Variants in CPED1 observed in about 807,000 individuals in gnomAD.
The protein encoded by CPED1 is cadherin like and PC-esterase domain containing 1, also known as cadherin-like and PC-esterase domain-containing protein 1.
A neutral mutation model predicts 128.2 loss-of-function variants in CPED1; 114 were observed. That is an observed-to-expected ratio of 0.89 (90% CI 0.76 to 1.04). The LOEUF is 1.04. Ranked by LOEUF, CPED1 falls within the 50% of genes least tolerant of loss-of-function variation. The pLI is 0.00. For synonymous variants in CPED1, 462 were observed against 426.7 expected (o/e 1.08, Z -1.02); for missense variants, 1,211 against 1,207.1 (o/e 1.00, Z -0.05).
intron 7 of CPED1, among the ~76,000 whole-genome samples, chr7:121,117,810 C>G (rs1196761359): frequency 6.6e-6 from 1 of 152,022 alleles, no homozygotes; most frequent in Non-Finnish European, 1.5e-5. Context: ...ACCTCTAAAG[C>G]AGGTTGTTCT....
chr7:121,170,750 T>C (rs1244828267), intron 16 of CPED1, among the ~76,000 whole-genome samples: 1 of 152,114 alleles, frequency 6.6e-6, no homozygotes, highest in Non-Finnish European at 1.5e-5. Context: ...TTTCTATCCT[T>C]TATTAAAATT....
intron 16 of CPED1, among the ~76,000 whole-genome samples, chr7:121,185,971 G>A (rs533406680): frequency 2.6e-5 from 4 of 152,268 alleles, no homozygotes; most frequent in East Asian, 1.9e-4. Context: ...GTCATATATC[G>A]TGTTTTAAAG....
Position 121,130,216 on chromosome 7 carries a change from C to A in CPED1, c.1499C>A (p.Thr500Asn). 7 of 1,611,494 alleles carry A rather than the reference C, an allele frequency of 4.3e-6. No homozygotes were observed. The highest frequency in any genetic ancestry group is 4.2e-6 in the Non-Finnish European group (5 of 1,178,164). ...NPVGNPGSVL[T>N]QYWSLLNVFE... The stretch of plus-strand genomic sequence containing the variant: ...GTGGGAAATCCTGGCTCAGTCCTGA[C>A]CCAATACTGGTCTCTTTTAAATGTA... The change falls in exon 12 of 23, where the codon ACC becomes AAC. Residue 500 changes from threonine (T) to asparagine (N), a missense_variant. Physicochemically the swap from Thr to Asn is moderately conservative, Grantham distance 65. Transcript: ENST00000310396.
Position 121,248,359 on chromosome 7 carries a change from C to T in CPED1, c.2310+4021C>T, listed in dbSNP as rs187351239. On this transcript the variant is annotated intron_variant, in intron 18 of 22. Transcript: ENST00000310396. ...GATCACCTAACAAAAGAAATGCAGA[C>T]ACAGTACCAGTGATTAAAGGGGGCT... Among the ~76,000 whole-genome samples the T allele has an allele frequency of 7.7e-4, 117 of 152,200 alleles. 1 individual carries two copies. Among genetic ancestry groups the T allele is most frequent in the Admixed American group, 1.1e-3 (17 of 15,292 alleles).
chr7:121,069,978 T>G (rs185194625), intron 5 of CPED1, among the ~76,000 whole-genome samples: 10 of 152,158 alleles, frequency 6.6e-5, no homozygotes, highest in African/African-American at 2.2e-4. Context: ...CATGTGAAGC[T>G]TGAAATATAC....
At chr7:121,258,807 G>A (rs914427333) in intron 18 of CPED1, among the ~76,000 whole-genome samples, 3 of 151,966 alleles carry the variant, frequency 2.0e-5, no homozygotes, top group Admixed American at 6.6e-5. Context: ...TGTAAAATTC[G>A]AATTTTTAAC....
At chr7:121,269,555 C>G (rs1049333360) in intron 21 of CPED1, among the ~76,000 whole-genome samples, 1 of 151,916 alleles carries the variant, frequency 6.6e-6, no homozygotes, top group East Asian at 1.9e-4. Context: ...ATTTTTAGTT[C>G]TTTGAGAAGC....
chr7:121,250,826 A>G (rs1798654118), intron 18 of CPED1, among the ~76,000 whole-genome samples: 1 of 145,162 alleles, frequency 6.9e-6, no homozygotes, highest in African/African-American at 2.6e-5. Flanking sequence ...GCAATAATTA[A>G]TAGCTTACCA....
At chr7:121,061,198 G>C in intron 4 of CPED1, 1 of 957,660 alleles carries the variant, frequency 1.0e-6, no homozygotes, top group Non-Finnish European at 1.2e-6. Context: ...CATTAGGATT[G>C]TGAAAGGTAT....
intron 3 of CPED1, among the ~76,000 whole-genome samples, chr7:121,035,958 G>A (rs1792873463): frequency 6.6e-6 from 1 of 152,112 alleles, no homozygotes; most frequent in South Asian, 2.1e-4. Context: ...TACTGGAAAT[G>A]CCTCTTGAAA....
At chr7:121,006,507 T>C (rs1483514715) in intron 2 of CPED1, among the ~76,000 whole-genome samples, 1 of 150,428 alleles carries the variant, frequency 6.6e-6, no homozygotes, top group African/African-American at 2.5e-5. Flanking sequence ...AGGGGAAGAG[T>C]CTAAGGAAGA....
At chr7:121,267,659 A>G (rs1004467484) in intron 21 of CPED1, among the ~76,000 whole-genome samples, 1 of 152,020 alleles carries the variant, frequency 6.6e-6, no homozygotes, top group African/African-American at 2.4e-5. Context: ...CATCAATGAA[A>G]ACAGTAGGGG....
At chr7:121,054,864 C>T (rs1435014388) in intron 4 of CPED1, among the ~76,000 whole-genome samples, 2 of 152,028 alleles carry the variant, frequency 1.3e-5, no homozygotes, top group African/African-American at 2.4e-5. Flanking sequence ...CAGTCACCAC[C>T]GACTTATTTT....
At chr7:121,022,317 T>C (rs1246859747) in intron 3 of CPED1, among the ~76,000 whole-genome samples, 1 of 152,004 alleles carries the variant, frequency 6.6e-6, no homozygotes, top group Non-Finnish European at 1.5e-5. Flanking sequence ...AGTCCACTCT[T>C]ACACCAAAGA....
In CPED1 at chr7:121,117,077, T is replaced by TTATATATATATATATAAA. The variant is rs1554436997; in HGVS notation, c.919-7238_919-7237insAATATATATATATATATA. Among the ~76,000 whole-genome samples, 27 of 128,766 alleles carry TTATATATATATATATAAA rather than the reference T, an allele frequency of 2.1e-4. 1 individual carries two copies. The highest frequency in any genetic ancestry group is 8.2e-4 in the African/African-American group (27 of 33,128). The allele number at this position is 128,766 out of a possible 152,430, so 84.5% of individuals were successfully genotyped here. ...CACACATTTTATATATATATACACATTATATATATATATATATATATAAAT... is the reference window on the plus strand; with the variant it reads ...CACACATTTTATATATATATACACATTATATATATATATATAAATATATATATATATATATATATAAAT... On this transcript the variant is annotated intron_variant, in intron 7 of 22. Coordinates refer to ENST00000310396, the MANE Select transcript of CPED1 (RefSeq NM_024913.5).
At chr7:121,047,649 C>CT (rs1793233344) in intron 4 of CPED1, among the ~76,000 whole-genome samples, 2 of 2,144 alleles carry the variant, frequency 9.3e-4, no homozygotes, top group African/African-American at 1.9e-3. Context: ...TAGCACCTTT[C>CT]TTCTTCTTCT....
chr7:121,190,700 CTTTTA>C (rs962522326), intron 16 of CPED1, among the ~76,000 whole-genome samples: 7 of 152,024 alleles, frequency 4.6e-5, no homozygotes, highest in East Asian at 1.9e-4. Context: ...TAAGAAAATA[CTTTTA>C]TTTTATCTAC....
intron 18 of CPED1, among the ~76,000 whole-genome samples, chr7:121,246,929 C>G (rs1798553525): frequency 6.6e-6 from 1 of 152,206 alleles, no homozygotes; most frequent in African/African-American, 2.4e-5. Flanking sequence ...AACTTGCATG[C>G]TCAGAAATTC....
At chr7:121,088,362 A>C (rs1335505071) in intron 5 of CPED1, among the ~76,000 whole-genome samples, 2 of 152,176 alleles carry the variant, frequency 1.3e-5, no homozygotes, top group African/African-American at 4.8e-5. Flanking sequence ...ATATCCTTAC[A>C]GAAATAGTCA....
Sources: allele counts gnomAD v4.1 joint callset (sites outside exome capture counted in the v4.1 genomes callset), GRCh38; gene constraint gnomAD v4.1.1; transcripts MANE v1.5; gene names NCBI Gene and HGNC (gene_info 2026-07-23, HGNC 2026-07-21).